The following CNTNAP5 variants were observed in gnomAD, a reference collection of about 807,000 sequenced individuals.
CNTNAP5 encodes the protein contactin-associated protein-like 5.
CNTNAP5 carries 72 observed loss-of-function variants against 150.2 expected under a neutral mutation model. That is an observed-to-expected ratio of 0.48 (90% CI 0.40 to 0.58). The LOEUF (loss-of-function observed/expected upper bound fraction) is 0.58, where lower values mean the gene tolerates loss of function less well. CNTNAP5 is among the 20% of genes least tolerant of loss of function. The pLI, the probability that CNTNAP5 is intolerant of heterozygous loss-of-function variation, is 0.00. For synonymous variants in CNTNAP5, 672 were observed against 619.8 expected, an observed-to-expected ratio of 1.08 and a Z score of -1.25; for missense variants, 1,636 against 1,626.2, an observed-to-expected ratio of 1.01 and a Z score of -0.10.
intron 19 of CNTNAP5, among the ~76,000 whole-genome samples, chr2:124,850,122 A>T (rs1032894281): frequency 6.6e-6 from 1 of 152,330 alleles, no homozygotes; most frequent in East Asian, 1.9e-4. Flanking sequence ...TACATTTGAG[A>T]TAGTTCCTAG....
At chr2:124,122,326 T>G (rs1287886391) in intron 1 of CNTNAP5, among the ~76,000 whole-genome samples, 1 of 152,192 alleles carries the variant, frequency 6.6e-6, no homozygotes, top group Admixed American at 6.5e-5. Context: ...ACAGATATAT[T>G]TAAAGTCATA....
chr2:124,399,197 G>T (rs562573572), intron 3 of CNTNAP5, among the ~76,000 whole-genome samples: 9 of 152,200 alleles, frequency 5.9e-5, no homozygotes, highest in South Asian at 2.1e-4. Context: ...AACAGAAAAA[G>T]TTGAAAGTCA....
rs562502235 is a variant in CNTNAP5, at chr2:124,342,621, G to A, written c.382-74822G>A. 4.6e-5 allele frequency among the ~76,000 whole-genome samples: 7 copies of A among 152,166 alleles called. No individual in the cohort carries two copies. The South Asian group carries it at 1.5e-3, about 32-fold the overall frequency. On this transcript the variant is annotated intron_variant, in intron 3 of 23. Coordinates refer to ENST00000682447, the MANE Select transcript of CNTNAP5 (RefSeq NM_001367498.1). ...AAGAATAAATTCGTATTGAACTTAGGTAACTACATTGCCATAAAATGAGAA... is the reference window on the plus strand; with the variant it reads ...AAGAATAAATTCGTATTGAACTTAGATAACTACATTGCCATAAAATGAGAA...
At chr2:124,124,765 T>A (rs913724790) in intron 1 of CNTNAP5, among the ~76,000 whole-genome samples, 1 of 152,186 alleles carries the variant, frequency 6.6e-6, no homozygotes, top group African/African-American at 2.4e-5. Flanking sequence ...TATTCAACAT[T>A]CTTAAAGAAA....
At chr2:124,302,860 C>T (rs1688597732) in intron 3 of CNTNAP5, among the ~76,000 whole-genome samples, 1 of 152,174 alleles carries the variant, frequency 6.6e-6, no homozygotes, top group Admixed American at 6.5e-5. Flanking sequence ...ATGTGAAACT[C>T]CTTTTTTGCC....
intron 11 of CNTNAP5, among the ~76,000 whole-genome samples, chr2:124,581,711 G>A (rs1237567675): frequency 2.0e-5 from 3 of 152,164 alleles, no homozygotes; most frequent in Non-Finnish European, 4.4e-5. Context: ...AGCCAGCACA[G>A]AGATGAACCA....
At chr2:124,147,335 C>G (rs77018428) in intron 1 of CNTNAP5, among the ~76,000 whole-genome samples, 1 of 152,134 alleles carries the variant, frequency 6.6e-6, no homozygotes, top group East Asian at 1.9e-4. Context: ...AGCTAACACA[C>G]AGTGGGATTT....
At chr2:124,777,465 C>A (rs535229700) in intron 17 of CNTNAP5, among the ~76,000 whole-genome samples, 1 of 152,146 alleles carries the variant, frequency 6.6e-6, no homozygotes, top group African/African-American at 2.4e-5. Context: ...TCACTGAAAC[C>A]CCTGCTTCCC....
At chr2:124,147,734 A>T (rs1485705505) in intron 1 of CNTNAP5, among the ~76,000 whole-genome samples, 3 of 152,166 alleles carry the variant, frequency 2.0e-5, no homozygotes, top group Non-Finnish European at 4.4e-5. Context: ...ACCAAGAGGC[A>T]AGTGGCCTGG....
chr2:124,178,754 T>C (rs1685129320), intron 1 of CNTNAP5, among the ~76,000 whole-genome samples: 1 of 152,112 alleles, frequency 6.6e-6, no homozygotes, highest in Non-Finnish European at 1.5e-5. Flanking sequence ...AAAGAACTTC[T>C]AAGTTCACCT....
At position 124,474,184 on chromosome 2, in the gene CNTNAP5, C is replaced by G. The variant is rs1014810993; in HGVS notation, c.919-555C>G. 2.0e-5 allele frequency among the ~76,000 whole-genome samples: 3 copies of G among 152,062 alleles called. No individual in the cohort carries two copies. The South Asian group carries it at 6.2e-4, about 31-fold the overall frequency. ...AATGTTTAATAAGCACCATTATTGA[C>G]AAGTGAAATTTCATCACATTGATTC... On this transcript the variant is annotated intron_variant, in intron 6 of 23. Transcript: ENST00000682447.
chr2:124,764,276 A>T (rs1573601739), intron 16 of CNTNAP5, 129 bp downstream of exon 16: 1 of 692,766 alleles, frequency 1.4e-6, no homozygotes, highest in Middle Eastern at 3.7e-4. Context: ...TAAAATTAGC[A>T]GTGATAATGT....
At chr2:124,733,171 A>G (rs1573580546) in intron 13 of CNTNAP5, among the ~76,000 whole-genome samples, 1 of 152,144 alleles carries the variant, frequency 6.6e-6, no homozygotes, top group East Asian at 1.9e-4. Flanking sequence ...CACATAGCAC[A>G]GTAGGTAATA....
chr2:124,494,509 G>A (rs1354135425), intron 7 of CNTNAP5, among the ~76,000 whole-genome samples: 1 of 152,106 alleles, frequency 6.6e-6, no homozygotes. Flanking sequence ...AGACTCACAT[G>A]TCTCCTCTGG....
intron 11 of CNTNAP5, among the ~76,000 whole-genome samples, chr2:124,583,625 C>T (rs1000232409): frequency 2.1e-4 from 32 of 152,094 alleles, no homozygotes; most frequent in Non-Finnish European, 1.9e-4. Flanking sequence ...CTGTATATTT[C>T]GACTTAGGGG....
chr2:124,086,225 C>G (rs1682688423), intron 1 of CNTNAP5, among the ~76,000 whole-genome samples: 1 of 104,782 alleles, frequency 9.5e-6, no homozygotes, highest in Non-Finnish European at 1.7e-5. Flanking sequence ...GAAACCGAGT[C>G]TTGCTCTGTC....
chr2:124,601,794 T>C (rs1187739198), intron 11 of CNTNAP5, among the ~76,000 whole-genome samples: 1 of 152,232 alleles, frequency 6.6e-6, no homozygotes, highest in Admixed American at 6.5e-5. Flanking sequence ...TAAACTGTAG[T>C]ATGTCCATGT....
At position 124,592,252 on chromosome 2, in the gene CNTNAP5, T is replaced by C. The variant is rs978201190; in HGVS notation, c.1757-17549T>C. Among the ~76,000 whole-genome samples, 8 of 152,242 alleles carry C rather than the reference T, an allele frequency of 5.3e-5. No individual in the cohort carries two copies. The South Asian group carries it at 1.0e-3, about 20-fold the overall frequency. Reference sequence around the variant, plus strand: ...AGCAGATCACTAGACATGGTGTTTCTGGGTCAAAGTTTAAATGTATCTGTA... The same window carrying C: ...AGCAGATCACTAGACATGGTGTTTCCGGGTCAAAGTTTAAATGTATCTGTA... On this transcript the variant is annotated intron_variant, in intron 11 of 23. Transcript: ENST00000682447.
intron 1 of CNTNAP5, among the ~76,000 whole-genome samples, chr2:124,058,624 G>A (rs912924804): frequency 6.6e-6 from 1 of 151,904 alleles, no homozygotes; most frequent in Non-Finnish European, 1.5e-5. Context: ...TAAATGTTTG[G>A]TAATTTGCCT....
Sources: gnomAD v4.1 joint callset for allele counts (sites outside exome capture counted in the v4.1 genomes callset) on GRCh38, gnomAD v4.1.1 for gene constraint, MANE v1.5 for transcripts, NCBI Gene and HGNC (gene_info 2026-07-23, HGNC 2026-07-21) for gene names.